Variants in PTGER4 observed in about 807,000 individuals in gnomAD.
PTGER4 encodes prostaglandin E2 receptor EP4 subtype.
Under a neutral mutation model 33.2 loss-of-function variants are expected in PTGER4, and 11 were observed. The ratio of observed to expected loss-of-function variants is 0.33; its 90% CI spans 0.21 to 0.55. The LOEUF is 0.55. Ranked by LOEUF, PTGER4 falls within the 20% of genes least tolerant of loss-of-function variation. PTGER4 has a pLI of 0.92. For missense variants in PTGER4, 481 were observed against 650.2 expected (o/e 0.74, Z 2.83); for synonymous variants, 275 against 281.5 (o/e 0.98, Z 0.23).
chr5:40,684,131 C>G (rs1304288133), intron 2 of PTGER4, among the ~76,000 whole-genome samples: 48 of 119,826 alleles, frequency 4.0e-4, no homozygotes, highest in Non-Finnish European at 7.5e-4. Flanking sequence ...CCCACCCCCC[C>G]CCCCACAATT....
At chr5:40,744,415 T>C in the PTGER4 span, among the ~76,000 whole-genome samples, 2 of 150,958 alleles carry the variant, frequency 1.3e-5, no homozygotes, top group African/African-American at 4.9e-5. Flanking sequence ...TAAAAGCTAA[T>C]ATATTGGTTC....
the PTGER4 span, among the ~76,000 whole-genome samples, chr5:40,725,485 T>C: frequency 1.3e-5 from 2 of 152,218 alleles, no homozygotes; most frequent in East Asian, 3.9e-4. Context: ...AGAGAAAACA[T>C]TAGTAAACAA....
the PTGER4 span, among the ~76,000 whole-genome samples, chr5:40,701,709 C>A: frequency 1.3e-5 from 2 of 152,164 alleles, no homozygotes; most frequent in East Asian, 1.9e-4. Flanking sequence ...ACAAGAAGAT[C>A]ATCCCCAAGA....
intron 2 of PTGER4, among the ~76,000 whole-genome samples, chr5:40,686,848 T>A (rs1404645072): frequency 6.6e-6 from 1 of 152,172 alleles, no homozygotes; most frequent in African/African-American, 2.4e-5. Flanking sequence ...CAATGAGCCA[T>A]GTTTGTATCA....
intron 2 of PTGER4, among the ~76,000 whole-genome samples, chr5:40,690,468 T>G (rs1269048147): frequency 6.6e-6 from 1 of 152,260 alleles, no homozygotes; most frequent in African/African-American, 2.4e-5. Flanking sequence ...GACATATCAT[T>G]TCATTCTTCC....
At chr5:40,708,463 C>T in the PTGER4 span, among the ~76,000 whole-genome samples, 1 of 151,984 alleles carries the variant, frequency 6.6e-6, no homozygotes, top group African/African-American at 2.4e-5. Flanking sequence ...ACACATACAC[C>T]CTCCCAAGAC....
downstream of PTGER4, among the ~76,000 whole-genome samples, chr5:40,694,837 C>T (rs1291848441): frequency 6.6e-6 from 1 of 152,338 alleles, no homozygotes; most frequent in Non-Finnish European, 1.5e-5. Flanking sequence ...CAGCATTGCT[C>T]AGTCATCTAT....
the PTGER4 span, among the ~76,000 whole-genome samples, chr5:40,734,121 G>A: frequency 6.6e-6 from 1 of 152,138 alleles, no homozygotes; most frequent in African/African-American, 2.4e-5. Context: ...AGAAATGGTG[G>A]GTATTTACTT....
chr5:40,698,808 G>A, the PTGER4 span, among the ~76,000 whole-genome samples: 2 of 152,164 alleles, frequency 1.3e-5, no homozygotes, highest in East Asian at 3.8e-4. Flanking sequence ...CCTTTACTCT[G>A]TAGTTTTTCC....
At chr5:40,723,902 G>T in the PTGER4 span, among the ~76,000 whole-genome samples, 11 of 152,086 alleles carry the variant, frequency 7.2e-5, no homozygotes, top group Non-Finnish European at 1.6e-4. Context: ...AGATGTGTCA[G>T]TGAGGTTATG....
At chr5:40,735,381 G>GA in the PTGER4 span, among the ~76,000 whole-genome samples, 1 of 152,098 alleles carries the variant, frequency 6.6e-6, no homozygotes, top group African/African-American at 2.4e-5. Flanking sequence ...AGTGAAAACA[G>GA]AAAGAGGAAA....
At chr5:40,743,129 C>A in the PTGER4 span, among the ~76,000 whole-genome samples, 631 of 152,194 alleles carry the variant, frequency 4.1e-3, 3 homozygotes, top group African/African-American at 0.015. Flanking sequence ...GAGAAATGCT[C>A]AAAAACAAAA....
At chr5:40,730,250 C>T in the PTGER4 span, 6 of 1,586,920 alleles carry the variant, frequency 3.8e-6, no homozygotes, top group Non-Finnish European at 5.2e-6. Context: ...TGAAATTCTT[C>T]ATAATTATTA....
At chr5:40,707,409 G>T in the PTGER4 span, among the ~76,000 whole-genome samples, 3 of 151,974 alleles carry the variant, frequency 2.0e-5, no homozygotes, top group Admixed American at 6.6e-5. Flanking sequence ...GACTTTAAAC[G>T]AACAAAGATC....
chr5:40,742,161 T>C, the PTGER4 span, among the ~76,000 whole-genome samples: 1 of 152,150 alleles, frequency 6.6e-6, no homozygotes, highest in South Asian at 2.1e-4. Flanking sequence ...GGTCTAGTTC[T>C]AGAAACTCTC....
At chr5:40,735,746 A>G in the PTGER4 span, among the ~76,000 whole-genome samples, 2 of 152,226 alleles carry the variant, frequency 1.3e-5, no homozygotes, top group Admixed American at 6.5e-5. Flanking sequence ...GGTGTGGAAG[A>G]TGAGAGAGCA....
At chr5:40,694,333 G>A (rs1052872090), downstream of PTGER4, among the ~76,000 whole-genome samples, 1 of 152,230 alleles carries the variant, frequency 6.6e-6, no homozygotes, top group Admixed American at 6.5e-5. Flanking sequence ...TTGCAGGCAT[G>A]AGCCACCATG....
the PTGER4 span, among the ~76,000 whole-genome samples, chr5:40,745,765 C>T: frequency 2.0e-5 from 3 of 151,442 alleles, no homozygotes; most frequent in South Asian, 2.1e-4. Context: ...GACAGGGTCT[C>T]ACTCTGTAGC....
chr5:40,739,274 C>A, the PTGER4 span, among the ~76,000 whole-genome samples: 11 of 152,294 alleles, frequency 7.2e-5, no homozygotes, highest in African/African-American at 2.6e-4. Flanking sequence ...ATAAGCTTGT[C>A]AATTATCTCA....
Sources: allele counts gnomAD v4.1 joint callset (sites outside exome capture counted in the v4.1 genomes callset), GRCh38; gene constraint gnomAD v4.1.1; transcripts MANE v1.5; gene names NCBI Gene and HGNC (gene_info 2026-07-23, HGNC 2026-07-21).